Variants in ZNF142 observed in about 807,000 individuals in gnomAD.
ZNF142 encodes the protein zinc finger protein 142 (clone pHZ-49).
A neutral mutation model predicts 132.1 loss-of-function variants in ZNF142; 96 were observed. The ratio of observed to expected loss-of-function variants is 0.73; its 90% CI spans 0.62 to 0.86. The LOEUF (loss-of-function observed/expected upper bound fraction) is 0.86. Ranked by LOEUF, ZNF142 falls within the 40% of genes least tolerant of loss-of-function variation. ZNF142 has a pLI of 0.00. For synonymous variants in ZNF142, 842 were observed against 890.1 expected (o/e 0.95, Z 0.96); for missense variants, 2,163 against 2,336.2 (o/e 0.93, Z 1.53).
At chr2:218,639,309 T>G (rs1336447859) in intron 10 of ZNF142, among the ~76,000 whole-genome samples, 3 of 152,204 alleles carry the variant, frequency 2.0e-5, no homozygotes, top group Admixed American at 6.5e-5. Flanking sequence ...ACAGCGTCCT[T>G]GTACATCAAC....
rs1436473750 is a variant in ZNF142, at chr2:218,658,777, A to G, written c.-111T>C. On this transcript the variant is annotated 5_prime_UTR_variant, in exon 3 of 11. Coordinates refer to ENST00000411696, the MANE Select transcript of ZNF142 (RefSeq NM_001379659.1). ...CCGGGGGGAGCCAAGGAGGACGCTG[A>G]GCCGTCAAGATTAAGAACCTTCACC... 1 of 152,200 alleles carries G rather than the reference A, an allele frequency of 6.6e-6. No homozygotes were observed. Among genetic ancestry groups the G allele is most frequent in the Non-Finnish European group, 1.5e-5 (1 of 68,074 alleles). 9.4% of individuals were successfully genotyped at this position (152,200 alleles called of 1,614,324 possible).
chr2:218,634,145 T>G lies in ZNF142; in HGVS notation c.*4194A>C. 1 of 1,612,658 alleles carries G rather than the reference T, an allele frequency of 6.2e-7. No homozygotes were observed. The highest frequency in any genetic ancestry group is 1.1e-5 in the South Asian group (1 of 90,692). ...AGCACAATACTTGGCAGTTAAGCCG[T>G]GTGTATCCCAGCGGCCTGAGGACAG... On this transcript the variant is annotated 3_prime_UTR_variant, in exon 11 of 11. Coordinates refer to ENST00000411696, the MANE Select transcript of ZNF142 (RefSeq NM_001379659.1). This position sits in a 1 kb window ranked among gnomAD's most constrained non-coding sequence, Gnocchi z 4.0.
Position 218,643,329 on chromosome 2 carries a change from G to A in ZNF142, c.3787C>T (p.Gln1263Ter), listed in dbSNP as rs1234608162. Residue 1263 changes from glutamine to a stop codon, truncating the protein, a stop_gained, in exon 9 of 11, where the codon CAG (glutamine) becomes TAG (stop). Coordinates refer to ENST00000411696, the MANE Select transcript of ZNF142 (RefSeq NM_001379659.1). LOFTEE classifies it high-confidence loss of function. ...RGGGGKRGTPQTQPDVSPLSN... is the reference protein window; with the variant it reads ...RGGGGKRGTP ...AACGGGGACACATCAGGCTGGGTCTGGGGGGTCCCTCGTTTTCCTCCCCCG... is the reference window on the plus strand; with the variant it reads ...AACGGGGACACATCAGGCTGGGTCTAGGGGGTCCCTCGTTTTCCTCCCCCG... 6.2e-7 allele frequency: 1 copy of A among 1,614,170 alleles called. No individual in the cohort carries two copies. The highest frequency in any genetic ancestry group is 1.1e-5 in the South Asian group (1 of 91,080).
intron 4 of ZNF142, among the ~76,000 whole-genome samples, chr2:218,655,412 G>A (rs75010902): frequency 0.054 from 8,284 of 152,164 alleles, 303 homozygotes; most frequent in Non-Finnish European, 0.082. Context: ...TGAGGATAAT[G>A]GGATGAATAA....
At position 218,646,205 on chromosome 2, in the gene ZNF142, G is replaced by A. The variant is rs202133703; in HGVS notation, c.2017C>T (p.Arg673Cys). 220 of 1,614,000 alleles carry A rather than the reference G, an allele frequency of 1.4e-4. No homozygotes were observed. Among genetic ancestry groups the A allele is most frequent in the African/African-American group, 2.9e-4 (22 of 74,934 alleles). Residue 673 changes from arginine (R) to cysteine (C), a missense_variant, in exon 8 of 11, where the codon CGT (arginine) becomes TGT (cysteine). Arg to Cys is a radical substitution (Grantham distance 180). Coordinates refer to ENST00000411696, the MANE Select transcript of ZNF142 (RefSeq NM_001379659.1). ...GYVTKWKHYL[R>C]VHMRKHAGDL... is the part of the protein sequence containing the mutation. The stretch of plus-strand genomic sequence containing the variant: ...CCTGCATGTTTTCGCATGTGCACAC[G>A]GAGGTAGTGCTTCCACTTGGTGACA...
intron 7 of ZNF142, among the ~76,000 whole-genome samples, chr2:218,647,422 CAAAA>C (rs35920609): frequency 1.0e-4 from 4 of 38,648 alleles, no homozygotes; most frequent in Non-Finnish European, 9.3e-5. Context: ...GACTCCATCT[CAAAA>C]AAAAAAAAAG....
intron 10 of ZNF142, among the ~76,000 whole-genome samples, 193 bp from the exon 11 acceptor site, chr2:218,639,001 C>T (rs1575052424): frequency 6.6e-6 from 1 of 152,178 alleles, no homozygotes; most frequent in South Asian, 2.1e-4. Flanking sequence ...GACGGAGTTT[C>T]GCTCTTGTTG....
Position 218,648,968 on chromosome 2 carries a change from G to A in ZNF142, c.1540C>T (p.Arg514Trp), listed in dbSNP as rs537151479. 17 of 1,612,064 alleles carry A rather than the reference G, an allele frequency of 1.1e-5. No individual in the cohort carries two copies. In the African/African-American group the frequency reaches 1.7e-4, roughly 16 times the overall value. ...IKHLKETHGVRAVECRHHSCP... is the reference protein window; with the variant it reads ...IKHLKETHGVWAVECRHHSCP... ...GAGTGATGGCGGCACTCCACAGCCC[G>A]CACCCCATGGGTCTCCTTCAGGTGC... Residue 514 changes from arginine (R) to tryptophan (W), a missense_variant, in exon 7 of 11, where the codon CGG becomes TGG. This residue lies in a region of ZNF142 where 749 missense variants were observed against 830.3 expected (regional missense o/e 0.90). Coordinates refer to ENST00000411696, the MANE Select transcript of ZNF142 (RefSeq NM_001379659.1).
chr2:218,640,890 G>T, intron 9 of ZNF142, 121 bp from the exon 10 acceptor site: 10 of 721,768 alleles, frequency 1.4e-5, no homozygotes, highest in South Asian at 3.7e-5. Context: ...CAGACATTAT[G>T]GAACTTTGTT....
Position 218,634,967 on chromosome 2 carries a change from C to T in ZNF142, c.*3372G>A, listed in dbSNP as rs534610603. ...TGCTATAAAAGAGGCTGGCTGGGAG[C>T]GATAGCTTACACCTGTAATCCCAGC... On this transcript the variant is annotated 3_prime_UTR_variant, in exon 11 of 11. Coordinates refer to ENST00000411696, the MANE Select transcript of ZNF142 (RefSeq NM_001379659.1). This position sits in a 1 kb window ranked among gnomAD's most constrained non-coding sequence, Gnocchi z 4.0. Among the ~76,000 whole-genome samples the T allele has an allele frequency of 9.2e-5, 14 of 152,266 alleles. No individual in the cohort carries two copies. Among genetic ancestry groups the T allele is most frequent in the Middle Eastern group, 3.4e-3 (1 of 294 alleles).
At position 218,634,585 on chromosome 2, in the gene ZNF142, T is replaced by C. The variant is rs759597117; in HGVS notation, c.*3754A>G. 6.2e-6 allele frequency: 10 copies of C among 1,613,928 alleles called. No homozygotes were observed. The highest frequency in any genetic ancestry group is 2.7e-5 in the African/African-American group (2 of 74,938). Reference sequence around the variant, plus strand: ...GTGATATCCAGAGTTCTTTCCACCCTGAGAAGCCCATCAGCCCTTTCAAAG... The same window carrying C: ...GTGATATCCAGAGTTCTTTCCACCCCGAGAAGCCCATCAGCCCTTTCAAAG... On this transcript the variant is annotated 3_prime_UTR_variant, in exon 11 of 11. Coordinates refer to ENST00000411696, the MANE Select transcript of ZNF142 (RefSeq NM_001379659.1). The surrounding 1 kb of genome is among the most constrained non-coding windows in gnomAD (Gnocchi z 4.0).
At chr2:218,646,596 T>G (rs1490324154) in intron 7 of ZNF142, among the ~76,000 whole-genome samples, 1 of 151,938 alleles carries the variant, frequency 6.6e-6, no homozygotes, top group Non-Finnish European at 1.5e-5. Flanking sequence ...TTTTTTTTTT[T>G]AAATTGAGAC....
chr2:218,633,931 G>A lies in ZNF142; in HGVS notation c.*4408C>T. On this transcript the variant is annotated 3_prime_UTR_variant, in exon 11 of 11. Transcript: ENST00000411696. ...AGAGGAGTTATGAATAGTGGCTCAA[G>A]GGTCTAGGGGCAGGAAAGCTGGTCT... The A allele has an allele frequency of 8.4e-7, 1 of 1,192,714 alleles. No individual in the cohort carries two copies. Among genetic ancestry groups the A allele is most frequent in the Non-Finnish European group, 1.2e-6 (1 of 849,418 alleles). 73.9% of individuals were successfully genotyped at this position (1,192,714 alleles called of 1,614,324 possible).
intron 4 of ZNF142, among the ~76,000 whole-genome samples, chr2:218,653,523 C>G (rs985890760): frequency 6.6e-6 from 1 of 151,324 alleles, no homozygotes; most frequent in African/African-American, 2.4e-5. Flanking sequence ...TGCAGCGAGC[C>G]AAGATCACGC....
rs772394375 is a variant in ZNF142, at chr2:218,649,227, A to G, written c.1281T>C (p.Ser427=). Reference sequence around the variant, plus strand: ...GGTTGAGTGCATTCCTCTCCACCGCACTGTAGTGGCACAGTGGGCAGTGGT... The same window carrying G: ...GGTTGAGTGCATTCCTCTCCACCGCGCTGTAGTGGCACAGTGGGCAGTGGT... The part of the protein sequence containing the change: ...KAHHCPLCHY[S]AVERNALNRH... The change falls in exon 7 of 11, where the codon AGT becomes AGC. Residue 427 remains serine, a synonymous_variant. Transcript: ENST00000411696. The G allele has an allele frequency of 6.2e-7, 1 of 1,614,210 alleles. No individual in the cohort carries two copies. Among genetic ancestry groups the G allele is most frequent in the Non-Finnish European group, 8.5e-7 (1 of 1,180,028 alleles).
At chr2:218,640,579 T>A in intron 10 of ZNF142, 85 bp downstream of exon 10, 1 of 1,245,840 alleles carries the variant, frequency 8.0e-7, no homozygotes, top group Non-Finnish European at 1.2e-6. Context: ...TGGCCCTGAA[T>A]TGGAACAAGG....
At chr2:218,647,220 G>A (rs958766352) in intron 7 of ZNF142, among the ~76,000 whole-genome samples, 2 of 151,624 alleles carry the variant, frequency 1.3e-5, no homozygotes, top group Admixed American at 1.3e-4. Context: ...TCAGGAGATC[G>A]AGACCATCCT....
intron 7 of ZNF142, among the ~76,000 whole-genome samples, chr2:218,647,801 TG>T (rs1697873595): frequency 6.6e-6 from 1 of 152,196 alleles, no homozygotes. Flanking sequence ...GCTAGCAATG[TG>T]GTATTCTGGT....
rs746263594 is a variant in ZNF142 at position 218,635,869 on chromosome 2, T to C, written c.*2470A>G. ...TCCATTGTGGATCCACTGGTGAAAG[T>C]GCAGATCTTTGGCGTTCGTCTAGAC... On this transcript the variant is annotated 3_prime_UTR_variant, in exon 11 of 11. Coordinates refer to ENST00000411696, the MANE Select transcript of ZNF142 (RefSeq NM_001379659.1). The C allele has an allele frequency of 6.2e-7, 1 of 1,613,928 alleles. No individual in the cohort carries two copies. The highest frequency in any genetic ancestry group is 2.2e-5 in the East Asian group (1 of 44,876).
Sources: allele counts gnomAD v4.1 joint callset (sites outside exome capture counted in the v4.1 genomes callset), GRCh38; gene constraint gnomAD v4.1.1; regional missense constraint gnomAD v4.1.1; non-coding constraint Gnocchi (gnomAD v3.1); transcripts MANE v1.5; gene names NCBI Gene and HGNC (gene_info 2026-07-23, HGNC 2026-07-21).